Variants in WWOX observed in about 807,000 individuals in gnomAD.
The protein encoded by WWOX is WW domain containing oxidoreductase.
WWOX carries 69 observed loss-of-function variants against 46.2 expected under a neutral mutation model. That is an observed-to-expected ratio of 1.49 (90% confidence interval 1.23 to 1.82). WWOX has a LOEUF of 1.82. WWOX is among the 40% of genes most tolerant of loss of function. The pLI is 0.00. For synonymous variants in WWOX, 359 were observed against 202.6 expected (o/e 1.77, Z -6.56); for missense variants, 919 against 542.6 (o/e 1.69, Z -6.89).
At chr16:78,469,889 A>G (rs2084179189) in intron 8 of WWOX, among the ~76,000 whole-genome samples, 1 of 152,214 alleles carries the variant, frequency 6.6e-6, no homozygotes, top group African/African-American at 2.4e-5. Context: ...GTAACCTGGG[A>G]TTAGATAGAG....
chr16:78,998,374 G>A (rs1053409554), intron 8 of WWOX, among the ~76,000 whole-genome samples: 14 of 152,072 alleles, frequency 9.2e-5, no homozygotes, highest in East Asian at 1.9e-4. Flanking sequence ...CTTTGTACTC[G>A]GGCCCAGAGC....
intron 8 of WWOX, among the ~76,000 whole-genome samples, chr16:78,841,426 G>T (rs983303399): frequency 6.6e-6 from 1 of 152,202 alleles, no homozygotes; most frequent in Non-Finnish European, 1.5e-5. Flanking sequence ...TCTGGATTCA[G>T]TGACATCGTG....
chr16:78,585,115 C>A (rs564727653), intron 8 of WWOX, among the ~76,000 whole-genome samples: 169 of 152,304 alleles, frequency 1.1e-3, no homozygotes, highest in African/African-American at 3.8e-3. Flanking sequence ...AATTCTTTAG[C>A]CATGTCCGTG....
chr16:78,705,953 G>A (rs889179280), intron 8 of WWOX, among the ~76,000 whole-genome samples: 1 of 151,862 alleles, frequency 6.6e-6, no homozygotes, highest in Admixed American at 6.6e-5. Flanking sequence ...AGTGTGGAAC[G>A]TGGTTTAGAT....
chr16:78,545,402 G>C (rs924890482), intron 8 of WWOX, among the ~76,000 whole-genome samples: 7 of 152,228 alleles, frequency 4.6e-5, no homozygotes, highest in Non-Finnish European at 8.8e-5. Context: ...TCTTTTTAAA[G>C]AGATGGGATT....
intron 5 of WWOX, among the ~76,000 whole-genome samples, chr16:78,310,135 C>T (rs2080212399): frequency 6.6e-6 from 1 of 151,932 alleles, no homozygotes; most frequent in African/African-American, 2.4e-5. Flanking sequence ...TTAAACCCAT[C>T]TGTTTTTGTT....
At chr16:78,781,737 T>G (rs1183229460) in intron 8 of WWOX, among the ~76,000 whole-genome samples, 1 of 152,158 alleles carries the variant, frequency 6.6e-6, no homozygotes, top group African/African-American at 2.4e-5. Flanking sequence ...ATGGCACCCC[T>G]GCACTCCAGT....
chr16:79,038,783 C>G (rs1272816019), intron 8 of WWOX, among the ~76,000 whole-genome samples: 1 of 152,210 alleles, frequency 6.6e-6, no homozygotes, highest in Non-Finnish European at 1.5e-5. Context: ...TTCCTAACTT[C>G]AGGTGACCCA....
chr16:78,308,480 C>A (rs1213727726), intron 5 of WWOX, among the ~76,000 whole-genome samples: 1 of 152,048 alleles, frequency 6.6e-6, no homozygotes, highest in Non-Finnish European at 1.5e-5. Context: ...CAATAAGATA[C>A]CAAATTTCAA....
chr16:79,186,004 C>T (rs566524716), intron 8 of WWOX, among the ~76,000 whole-genome samples: 1 of 151,850 alleles, frequency 6.6e-6, no homozygotes, highest in Non-Finnish European at 1.5e-5. Context: ...TGTCTGCTGG[C>T]CTTGAGAAGG....
At chr16:79,143,230 C>A (rs954341305) in intron 8 of WWOX, among the ~76,000 whole-genome samples, 1 of 152,148 alleles carries the variant, frequency 6.6e-6, no homozygotes, top group African/African-American at 2.4e-5. Flanking sequence ...TCCCTGCTTC[C>A]CCCTCCTGGA....
intron 5 of WWOX, among the ~76,000 whole-genome samples, chr16:78,228,401 G>C (rs545688375): frequency 1.3e-4 from 19 of 143,872 alleles, no homozygotes; most frequent in Admixed American, 2.9e-4. Flanking sequence ...GAATGCAGTG[G>C]TGTGATCTCA....
At chr16:78,410,221 T>C (rs1379198875) in intron 6 of WWOX, among the ~76,000 whole-genome samples, 1 of 152,238 alleles carries the variant, frequency 6.6e-6, no homozygotes. Flanking sequence ...ATGCTTCTTG[T>C]AGAGTCTGCA....
intron 8 of WWOX, among the ~76,000 whole-genome samples, chr16:78,493,042 C>T (rs1678887203): frequency 6.6e-6 from 1 of 152,136 alleles, no homozygotes; most frequent in Admixed American, 6.5e-5. Flanking sequence ...ATGAAAACAG[C>T]ATGGATCTTC....
At chr16:79,061,203 A>G (rs1457554121) in intron 8 of WWOX, among the ~76,000 whole-genome samples, 1 of 152,182 alleles carries the variant, frequency 6.6e-6, no homozygotes, top group Non-Finnish European at 1.5e-5. Context: ...GCCTGACTTG[A>G]CTGCCTAAAA....
chr16:78,117,701 C>T (rs1478083511), intron 4 of WWOX, among the ~76,000 whole-genome samples: 1 of 152,178 alleles, frequency 6.6e-6, no homozygotes, highest in Non-Finnish European at 1.5e-5. Flanking sequence ...TTTAGTTCCG[C>T]TCATTTAAAA....
intron 8 of WWOX, among the ~76,000 whole-genome samples, chr16:78,926,731 C>T (rs867546802): frequency 1.3e-5 from 2 of 152,134 alleles, no homozygotes; most frequent in Non-Finnish European, 2.9e-5. Context: ...GGAGAAAAGT[C>T]TTTCTACATT....
At chr16:79,102,959 T>A (rs1476184254) in intron 8 of WWOX, among the ~76,000 whole-genome samples, 1 of 152,136 alleles carries the variant, frequency 6.6e-6, no homozygotes, top group Non-Finnish European at 1.5e-5. Flanking sequence ...CTCTTCCTTT[T>A]CTTCCTCATC....
chr16:79,122,211 C>T (rs2049649725), intron 8 of WWOX, among the ~76,000 whole-genome samples: 1 of 151,772 alleles, frequency 6.6e-6, no homozygotes, highest in Admixed American at 6.6e-5. Context: ...CCTCTGGGCA[C>T]AATTAAAAGC....
Sources: gnomAD v4.1 joint callset for allele counts (sites outside exome capture counted in the v4.1 genomes callset) on GRCh38, gnomAD v4.1.1 for gene constraint, MANE v1.5 for transcripts, NCBI Gene and HGNC (gene_info 2026-07-23, HGNC 2026-07-21) for gene names.